The following SLC9A5 variants were observed in gnomAD, a reference collection of about 807,000 sequenced individuals.
The protein encoded by SLC9A5 is solute carrier family 9 member A5, also known as sodium/hydrogen exchanger 5.
Under a neutral mutation model 91.7 loss-of-function variants are expected in SLC9A5, and 52 were observed. That is an observed-to-expected ratio of 0.57 (90% CI 0.45 to 0.71). The LOEUF (loss-of-function observed/expected upper bound fraction) is 0.71. Among genes scored for constraint, SLC9A5 ranks in the 30% least tolerant of loss-of-function variants. The pLI is 0.00. For missense variants in SLC9A5, 871 were observed against 1,158.9 expected, an observed-to-expected ratio of 0.75 and a Z score of 3.61; for synonymous variants, 419 against 474.5, an observed-to-expected ratio of 0.88 and a Z score of 1.52.
rs2035385377 is a variant in SLC9A5 at position 67,258,072 on chromosome 16, A to G, written c.1497-246A>G. ...CGTATCTGTGTCATATTCTCTAATT[A>G]TCCTTTGTAGTTCTTGTCATGGTTG... On this transcript the variant is annotated intron_variant, in intron 9 of 15. Transcript: ENST00000299798. The surrounding 1 kb of genome is among the most constrained non-coding windows in gnomAD (Gnocchi z 4.5). Among the ~76,000 whole-genome samples the G allele has an allele frequency of 6.6e-6, 1 of 152,216 alleles. No individual in the cohort carries two copies. The highest frequency in any genetic ancestry group is 2.4e-5 in the African/African-American group (1 of 41,462).
Sources: allele counts gnomAD v4.1 joint callset (sites outside exome capture counted in the v4.1 genomes callset), GRCh38; gene constraint gnomAD v4.1.1; non-coding constraint Gnocchi (gnomAD v3.1); transcripts MANE v1.5; gene names NCBI Gene and HGNC (gene_info 2026-07-23, HGNC 2026-07-21).